Variants in LARS2 observed in about 807,000 individuals in gnomAD.
LARS2 encodes leucine--tRNA ligase, mitochondrial.
In LARS2, 81 loss-of-function variants were observed where a neutral mutation model predicts 116.6. The observed-to-expected ratio is 0.69, with a 90% CI of 0.58 to 0.84. LARS2 has a LOEUF of 0.84. Among genes scored for constraint, LARS2 ranks in the 40% least tolerant of loss-of-function variants. The pLI, the probability that LARS2 is intolerant of heterozygous loss-of-function variation, is 0.00. For missense variants in LARS2, 968 were observed against 1,114.5 expected, an observed-to-expected ratio of 0.87 and a Z score of 1.87; for synonymous variants, 396 against 407.2, an observed-to-expected ratio of 0.97 and a Z score of 0.33.
At chr3:45,522,673 G>A (rs1700472544) in intron 19 of LARS2, among the ~76,000 whole-genome samples, 1 of 152,166 alleles carries the variant, frequency 6.6e-6, no homozygotes, top group South Asian at 2.1e-4. Flanking sequence ...CCTGTAGGCA[G>A]AGGTTGCAGT....
chr3:45,454,709 A>G (rs1699186571), intron 7 of LARS2, among the ~76,000 whole-genome samples: 1 of 152,230 alleles, frequency 6.6e-6, no homozygotes, highest in Admixed American at 6.5e-5. Context: ...TTGCCCAGAA[A>G]TTATATCCTA....
At chr3:45,449,741 A>T (rs1252288690) in intron 7 of LARS2, among the ~76,000 whole-genome samples, 1 of 152,260 alleles carries the variant, frequency 6.6e-6, no homozygotes, top group African/African-American at 2.4e-5. Flanking sequence ...ATTTCAAAAT[A>T]CAAATTTTTG....
chr3:45,517,052 G>T (rs916627886), intron 17 of LARS2, among the ~76,000 whole-genome samples: 2 of 152,180 alleles, frequency 1.3e-5, no homozygotes, highest in Non-Finnish European at 2.9e-5. Context: ...TGTTTATTTT[G>T]ATTTCCAACT....
chr3:45,543,384 A>G, intron 21 of LARS2, among the ~76,000 whole-genome samples: 1 of 152,012 alleles, frequency 6.6e-6, no homozygotes, highest in East Asian at 1.9e-4. Context: ...GGGCTCAAGC[A>G]GTCCTCTTGC....
intron 4 of LARS2, among the ~76,000 whole-genome samples, chr3:45,414,265 T>TA (rs1317888457): frequency 6.6e-6 from 1 of 152,134 alleles, no homozygotes; most frequent in Non-Finnish European, 1.5e-5. Flanking sequence ...AAACCAGAGA[T>TA]AAAAAATACA....
At chr3:45,440,281 A>G (rs1698882419) in intron 6 of LARS2, among the ~76,000 whole-genome samples, 1 of 152,176 alleles carries the variant, frequency 6.6e-6, no homozygotes, top group Non-Finnish European at 1.5e-5. Flanking sequence ...GAATCCCTCC[A>G]CTTTAGAATT....
chr3:45,477,101 C>A (rs1227269098), intron 10 of LARS2, among the ~76,000 whole-genome samples: 2 of 152,184 alleles, frequency 1.3e-5, no homozygotes, highest in African/African-American at 4.8e-5. Context: ...TGAGCAGTGT[C>A]CTGCTCCATA....
chr3:45,417,432 T>C, intron 4 of LARS2, 50 bp from the exon 5 acceptor site: 1 of 1,337,964 alleles, frequency 7.5e-7, no homozygotes. Context: ...ACAATACCAA[T>C]GGAGTTATTA....
At chr3:45,394,728 G>C (rs766775824) in intron 3 of LARS2, 41 bp downstream of exon 3, 12 of 1,466,862 alleles carry the variant, frequency 8.2e-6, no homozygotes, top group African/African-American at 5.6e-5. Flanking sequence ...GAGAAGAGGG[G>C]TTGAAGGTTT....
chr3:45,451,187 C>T (rs963212762), intron 7 of LARS2, among the ~76,000 whole-genome samples: 1 of 151,838 alleles, frequency 6.6e-6, no homozygotes, highest in Non-Finnish European at 1.5e-5. Context: ...CTTTGCTGTG[C>T]AGAAGCTTTT....
At chr3:45,449,156 A>ATTTT (rs1161349903) in intron 7 of LARS2, among the ~76,000 whole-genome samples, 38 of 102,912 alleles carry the variant, frequency 3.7e-4, no homozygotes, top group Non-Finnish European at 5.5e-4. Context: ...TTAACTCACT[A>ATTTT]TTTTTTTTTT....
chr3:45,527,121 A>G (rs1252584603), intron 20 of LARS2, among the ~76,000 whole-genome samples: 1 of 152,194 alleles, frequency 6.6e-6, no homozygotes, highest in Non-Finnish European at 1.5e-5. Flanking sequence ...TCCTCCAGCC[A>G]GAGACCACCA....
At chr3:45,403,993 A>G (rs982978416) in intron 4 of LARS2, among the ~76,000 whole-genome samples, 2 of 152,238 alleles carry the variant, frequency 1.3e-5, no homozygotes, top group African/African-American at 4.8e-5. Flanking sequence ...ATAATCCCAT[A>G]ATAAGTGACA....
At chr3:45,420,000 C>G (rs1421959774) in intron 6 of LARS2, among the ~76,000 whole-genome samples, 6 of 152,178 alleles carry the variant, frequency 3.9e-5, no homozygotes, top group African/African-American at 1.2e-4. Context: ...AAGGATTTCT[C>G]TAGTTCTCAG....
rs755182456 is a variant in LARS2 at position 45,547,378 on chromosome 3, C to T, written c.2560C>T (p.Pro854Ser). 6.2e-7 allele frequency: 1 copy of T among 1,611,066 alleles called. No individual in the cohort carries two copies. The highest frequency in any genetic ancestry group is 8.5e-7 in the Non-Finnish European group (1 of 1,179,086). The change falls in exon 22 of 22, where the codon CCT (proline) becomes TCT (serine). Residue 854 changes from proline to serine, a missense_variant. Transcript: ENST00000645846. ...LINNKACGKI[P>S]VPQQVARDQD... is the part of the protein sequence containing the mutation. The stretch of plus-strand genomic sequence containing the variant: ...CAACAATAAAGCTTGTGGCAAAATT[C>T]CTGTGCCCCAACAAGTTGCCCGGGA...
chr3:45,501,498 T>C (rs1700120629), intron 15 of LARS2, among the ~76,000 whole-genome samples: 1 of 152,208 alleles, frequency 6.6e-6, no homozygotes, highest in African/African-American at 2.4e-5. Flanking sequence ...GATGAAGTTA[T>C]ATTTCATTCC....
intron 20 of LARS2, among the ~76,000 whole-genome samples, chr3:45,541,083 T>C (rs1055448762): frequency 2.0e-5 from 3 of 152,118 alleles, no homozygotes; most frequent in African/African-American, 7.2e-5. Context: ...GTCAAAGCTT[T>C]CCCTGCTAGG....
intron 2 of LARS2, among the ~76,000 whole-genome samples, chr3:45,392,497 G>T (rs1321609313): frequency 2.0e-5 from 3 of 152,094 alleles, no homozygotes; most frequent in Non-Finnish European, 4.4e-5. Flanking sequence ...GTTTTGCCAT[G>T]TTGGCCAGAT....
At chr3:45,487,805 C>G (rs1699841321) in intron 11 of LARS2, among the ~76,000 whole-genome samples, 1 of 152,086 alleles carries the variant, frequency 6.6e-6, no homozygotes, top group Non-Finnish European at 1.5e-5. Context: ...TTATGAATAC[C>G]CGAAGCCAAA....
Sources: allele counts gnomAD v4.1 joint callset (sites outside exome capture counted in the v4.1 genomes callset), GRCh38; gene constraint gnomAD v4.1.1; transcripts MANE v1.5; gene names NCBI Gene and HGNC (gene_info 2026-07-23, HGNC 2026-07-21).